ILRUN: variants seen among roughly 807,000 people sequenced by gnomAD.
The protein encoded by ILRUN is inflammation and lipid regulator with UBA-like and NBR1-like domains, also known as protein ILRUN.
Under a neutral mutation model 33.8 loss-of-function variants are expected in ILRUN, and 3 were observed. The observed-to-expected ratio is 0.09, with a 90% CI of 0.04 to 0.23. The LOEUF is 0.23. ILRUN is among the 10% of genes least tolerant of loss of function. The pLI is 1.00. For missense variants in ILRUN, 210 were observed against 375.1 expected, an observed-to-expected ratio of 0.56 and a Z score of 3.64; for synonymous variants, 124 against 138.9, an observed-to-expected ratio of 0.89 and a Z score of 0.75.
At chr6:34,680,753 A>G (rs1300903148) in intron 1 of ILRUN, among the ~76,000 whole-genome samples, 2 of 151,610 alleles carry the variant, frequency 1.3e-5, no homozygotes, top group African/African-American at 2.4e-5. Flanking sequence ...TTTTATTTTT[A>G]TATTTTTTTC....
intron 3 of ILRUN, among the ~76,000 whole-genome samples, chr6:34,622,758 A>G (rs998676896): frequency 1.3e-5 from 2 of 152,212 alleles, no homozygotes; most frequent in Non-Finnish European, 2.9e-5. Flanking sequence ...TATATAAACT[A>G]AAGATCTGAA....
At chr6:34,606,033 T>C (rs1405195945) in intron 4 of ILRUN, among the ~76,000 whole-genome samples, 1 of 152,078 alleles carries the variant, frequency 6.6e-6, no homozygotes, top group Non-Finnish European at 1.5e-5. Flanking sequence ...CCTAGAAAAG[T>C]GCCTCACAAC....
At chr6:34,615,513 T>G (rs889005211) in intron 3 of ILRUN, among the ~76,000 whole-genome samples, 1 of 152,094 alleles carries the variant, frequency 6.6e-6, no homozygotes, top group Non-Finnish European at 1.5e-5. Context: ...GGAGAATCAC[T>G]TGAACCTGGG....
At position 34,665,292 on chromosome 6, in the gene ILRUN, CAAAAAAAAA is replaced by C. The variant is rs60761039; in HGVS notation, c.159-10522_159-10514del. ...GCAACACAGGGAGACCCCTTTTCTA[CAAAAAAAAA>C]AAAAAAAAAAAAATTAGCCAGGCTT... On this transcript the variant is annotated intron_variant, in intron 1 of 4. Transcript: ENST00000374023. Among the ~76,000 whole-genome samples, 25 of 76,420 alleles carry C rather than the reference CAAAAAAAAA, an allele frequency of 3.3e-4. No homozygotes were observed. The Admixed American group carries it at 3.7e-3, about 11-fold the overall frequency. 50.1% of individuals were successfully genotyped at this position (76,420 alleles called of 152,430 possible).
intron 3 of ILRUN, among the ~76,000 whole-genome samples, chr6:34,645,906 G>C (rs1762554509): frequency 1.3e-5 from 2 of 152,194 alleles, no homozygotes; most frequent in South Asian, 4.1e-4. Context: ...GACAGAGAAA[G>C]AACAGAGAAG....
At chr6:34,615,046 C>G (rs947695401) in intron 3 of ILRUN, among the ~76,000 whole-genome samples, 2 of 151,970 alleles carry the variant, frequency 1.3e-5, no homozygotes, top group African/African-American at 4.8e-5. Flanking sequence ...AGATTGGATT[C>G]TGGAATAGAA....
At chr6:34,634,824 T>G (rs768870050) in intron 3 of ILRUN, among the ~76,000 whole-genome samples, 1 of 152,224 alleles carries the variant, frequency 6.6e-6, no homozygotes, top group African/African-American at 2.4e-5. Context: ...TGAATGGTTT[T>G]GCTGGAAATT....
chr6:34,608,700 C>T (rs1761683929), intron 3 of ILRUN, among the ~76,000 whole-genome samples: 1 of 152,172 alleles, frequency 6.6e-6, no homozygotes. Context: ...ACCAAAACAT[C>T]ATTATACAGT....
intron 4 of ILRUN, chr6:34,596,018 T>G (rs1304218464): frequency 2.5e-6 from 2 of 810,662 alleles, no homozygotes; most frequent in Non-Finnish European, 3.0e-6. Context: ...GCAAACATTG[T>G]GTGGTGAGGC....
intron 3 of ILRUN, chr6:34,617,030 ACTTTGATTG>A (rs773557495): frequency 3.7e-6 from 2 of 534,196 alleles, no homozygotes; most frequent in Non-Finnish European, 7.3e-6. Context: ...GACAGACAAC[ACTTTGATTG>A]CTCGACCTCT....
At position 34,608,652 on chromosome 6, in the gene ILRUN, T is replaced by C. The variant is rs1761682980; in HGVS notation, c.512-1748A>G. 3.3e-5 allele frequency among the ~76,000 whole-genome samples: 5 copies of C among 152,148 alleles called. No individual in the cohort carries two copies. The South Asian group carries it at 1.0e-3, about 32-fold the overall frequency. ...CAGTGTCACTAGGTAACAGGAATTT[T>C]TCAGCTCCATTATAACTTTATGGGA... is the stretch of plus-strand genomic sequence containing the variant. On this transcript the variant is annotated intron_variant, in intron 3 of 4. Transcript: ENST00000374023.
chr6:34,614,479 A>G (rs946261143), intron 3 of ILRUN, among the ~76,000 whole-genome samples: 8 of 141,652 alleles, frequency 5.6e-5, no homozygotes, highest in African/African-American at 2.1e-4. Context: ...TATATTTTTT[A>G]TATATTATTA....
intron 3 of ILRUN, among the ~76,000 whole-genome samples, chr6:34,635,566 AG>A (rs1562011638): frequency 0.017 from 1,525 of 89,126 alleles, 42 homozygotes; most frequent in African/African-American, 0.056. Context: ...GAAGGAAGGA[AG>A]GGAGGGAGGG....
chr6:34,612,764 T>C (rs1372075755), intron 3 of ILRUN, among the ~76,000 whole-genome samples: 3 of 152,014 alleles, frequency 2.0e-5, no homozygotes, highest in African/African-American at 4.8e-5. Context: ...AAAATTTGGC[T>C]GGGTGCAGTG....
At chr6:34,677,136 G>A (rs964492126) in intron 1 of ILRUN, among the ~76,000 whole-genome samples, 4 of 151,944 alleles carry the variant, frequency 2.6e-5, no homozygotes, top group Admixed American at 1.3e-4. Context: ...GCAAAACCTC[G>A]TCTTTACTAA....
rs35216384 is a variant in ILRUN, at chr6:34,669,289, A to ATTT, written c.159-14513_159-14511dup. On this transcript the variant is annotated intron_variant, in intron 1 of 4. Transcript: ENST00000374023. ...AAGGTATGTACCATCACACCCAGCT[A>ATTT]TTTTTTTTTTTTTTTTTTTGGTAGA... is the stretch of plus-strand genomic sequence containing the variant. Among the ~76,000 whole-genome samples, 817 of 118,400 alleles carry ATTT rather than the reference A, an allele frequency of 6.9e-3. 18 individuals carry two copies. The highest frequency in any genetic ancestry group is 0.025 in the African/African-American group (772 of 31,078). The allele number at this position is 118,400 out of a possible 152,430, so 77.7% of individuals were successfully genotyped here. A position where few individuals can be genotyped will look rare whatever the true frequency, so the allele number is the denominator to read the frequency against.
chr6:34,644,709 C>T (rs996171127), intron 3 of ILRUN, among the ~76,000 whole-genome samples: 2 of 151,544 alleles, frequency 1.3e-5, no homozygotes, highest in African/African-American at 4.9e-5. Flanking sequence ...CAAGCATGTG[C>T]ATGATATTAA....
chr6:34,682,268 T>TG (rs1449803678), intron 1 of ILRUN, among the ~76,000 whole-genome samples: 3 of 140,246 alleles, frequency 2.1e-5, no homozygotes, highest in South Asian at 2.3e-4. Context: ...TTTTTTTTTT[T>TG]TTTTTTTTTG....
chr6:34,631,283 C>T (rs1211997552), intron 3 of ILRUN, among the ~76,000 whole-genome samples: 1 of 151,278 alleles, frequency 6.6e-6, no homozygotes, highest in East Asian at 1.9e-4. Context: ...TGAACCTACA[C>T]TCCTGGACTA....
Sources: allele counts gnomAD v4.1 joint callset (sites outside exome capture counted in the v4.1 genomes callset), GRCh38; gene constraint gnomAD v4.1.1; transcripts MANE v1.5; gene names NCBI Gene and HGNC (gene_info 2026-07-23, HGNC 2026-07-21).